Variants in KCNH1 observed in about 807,000 individuals in gnomAD.
KCNH1 encodes voltage-gated delayed rectifier potassium channel KCNH1.
In KCNH1, 27 loss-of-function variants were observed where a neutral mutation model predicts 69.2. The ratio of observed to expected loss-of-function variants is 0.39; its 90% CI spans 0.29 to 0.54. The LOEUF (loss-of-function observed/expected upper bound fraction) is 0.54. Among genes scored for constraint, KCNH1 ranks in the 20% least tolerant of loss-of-function variants. The pLI is 0.68. For missense variants in KCNH1, 798 were observed against 1,261.6 expected, an observed-to-expected ratio of 0.63 and a Z score of 5.57; for synonymous variants, 456 against 487.7, an observed-to-expected ratio of 0.93 and a Z score of 0.86.
At chr1:210,787,934 G>A (rs1684134345) in intron 9 of KCNH1, among the ~76,000 whole-genome samples, 1 of 152,156 alleles carries the variant, frequency 6.6e-6, no homozygotes, top group South Asian at 2.1e-4. Flanking sequence ...CTGTCTGAAT[G>A]GGGACTCAGC....
At chr1:210,937,106 C>T (rs1322289812) in intron 6 of KCNH1, among the ~76,000 whole-genome samples, 1 of 152,152 alleles carries the variant, frequency 6.6e-6, no homozygotes, top group Non-Finnish European at 1.5e-5. Flanking sequence ...GCCAAACTTC[C>T]TAATATTCCT....
intron 7 of KCNH1, among the ~76,000 whole-genome samples, chr1:210,880,463 AG>A: frequency 6.6e-6 from 1 of 152,328 alleles, no homozygotes; most frequent in Non-Finnish European, 1.5e-5. Context: ...TCTTTAATAA[AG>A]GAGTAAAAGC....
At chr1:210,884,653 T>C (rs1686565156) in intron 7 of KCNH1, among the ~76,000 whole-genome samples, 1 of 152,164 alleles carries the variant, frequency 6.6e-6, no homozygotes, top group Non-Finnish European at 1.5e-5. Context: ...CCATCCTCCT[T>C]GCCTGTTCAC....
intron 5 of KCNH1, among the ~76,000 whole-genome samples, chr1:211,037,492 CTTTT>C (rs59386390): frequency 1.7e-4 from 20 of 115,340 alleles, no homozygotes; most frequent in East Asian, 2.5e-4. Flanking sequence ...TAATTCAGTG[CTTTT>C]TTTTTTTTTT....
At chr1:210,807,752 C>A (rs1343678647) in intron 7 of KCNH1, among the ~76,000 whole-genome samples, 1 of 152,142 alleles carries the variant, frequency 6.6e-6, no homozygotes, top group African/African-American at 2.4e-5. Context: ...ATAGTTCCTT[C>A]CTTTTAGTTG....
intron 5 of KCNH1, among the ~76,000 whole-genome samples, chr1:211,078,343 T>C (rs1194306670): frequency 6.6e-6 from 1 of 152,176 alleles, no homozygotes; most frequent in African/African-American, 2.4e-5. Flanking sequence ...ATCATACTTA[T>C]TCCAAAATTG....
At chr1:210,769,394 G>A (rs1465424348) in intron 10 of KCNH1, among the ~76,000 whole-genome samples, 1 of 152,144 alleles carries the variant, frequency 6.6e-6, no homozygotes, top group African/African-American at 2.4e-5. Flanking sequence ...AGTTCACTAT[G>A]GCAACCTCAG....
chr1:210,949,673 C>T (rs773797365), intron 6 of KCNH1, among the ~76,000 whole-genome samples: 7 of 152,138 alleles, frequency 4.6e-5, no homozygotes, highest in Non-Finnish European at 1.0e-4. Flanking sequence ...CAGCCAATGC[C>T]CAGGTTTCTG....
At chr1:210,701,442 G>C (rs1681775066) in intron 10 of KCNH1, among the ~76,000 whole-genome samples, 1 of 152,168 alleles carries the variant, frequency 6.6e-6, no homozygotes, top group Non-Finnish European at 1.5e-5. Flanking sequence ...AGGGAGAGTG[G>C]CTTACTAAGG....
chr1:210,797,774 G>GA lies in KCNH1; in HGVS notation c.1663-15dup, dbSNP rs562111250. 3.4e-5 allele frequency: 55 copies of GA among 1,603,610 alleles called. No individual in the cohort carries two copies. Among genetic ancestry groups the GA allele is most frequent in the East Asian group, 1.1e-4 (5 of 44,658 alleles). On this transcript the variant is annotated splice_polypyrimidine_tract_variant and intron_variant, in intron 8 of 10. Transcript: ENST00000271751. ...GATCTGCAGGACCTAGCCAGGTACAGAAAAAAACAGTGTGAGGGTCCTCAC... is the reference window on the plus strand; with the variant it reads ...GATCTGCAGGACCTAGCCAGGTACAGAAAAAAAACAGTGTGAGGGTCCTCAC...
chr1:210,709,586 GAGTC>G (rs1302244280), intron 10 of KCNH1, among the ~76,000 whole-genome samples: 2 of 152,170 alleles, frequency 1.3e-5, no homozygotes, highest in Admixed American at 1.3e-4. Context: ...GCTAAGTTAA[GAGTC>G]AGACCCATAA....
chr1:210,958,592 G>A (rs1237814509), intron 6 of KCNH1, among the ~76,000 whole-genome samples: 2 of 152,048 alleles, frequency 1.3e-5, no homozygotes, highest in Non-Finnish European at 2.9e-5. Context: ...AAATTTCTTG[G>A]AGGCTTTGTT....
At chr1:211,018,421 C>T (rs1328455219) in intron 6 of KCNH1, among the ~76,000 whole-genome samples, 1 of 152,220 alleles carries the variant, frequency 6.6e-6, no homozygotes, top group Non-Finnish European at 1.5e-5. Flanking sequence ...AAAGAAAAGT[C>T]TGCATAACTA....
intron 6 of KCNH1, among the ~76,000 whole-genome samples, chr1:210,969,241 T>C (rs1000703387): frequency 2.2e-4 from 34 of 152,060 alleles, no homozygotes; most frequent in African/African-American, 8.2e-4. Flanking sequence ...TTCTACACCA[T>C]GCTTATGTGT....
intron 10 of KCNH1, among the ~76,000 whole-genome samples, chr1:210,755,168 G>C (rs996594905): frequency 6.6e-6 from 1 of 152,110 alleles, no homozygotes; most frequent in African/African-American, 2.4e-5. Flanking sequence ...GTCGGGGTGG[G>C]GGTGGGCTGC....
intron 10 of KCNH1, among the ~76,000 whole-genome samples, chr1:210,770,647 T>C (rs1479714902): frequency 1.3e-5 from 2 of 152,246 alleles, no homozygotes; most frequent in Non-Finnish European, 2.9e-5. Flanking sequence ...TGCCTGTCAC[T>C]ACGAGGGGGA....
At chr1:211,107,503 G>T in intron 1 of KCNH1, 126 bp from the exon 2 acceptor site, 1 of 932,930 alleles carries the variant, frequency 1.1e-6, no homozygotes, top group Admixed American at 2.6e-5. Context: ...ATAGACTCTT[G>T]AACAGAAATG....
At chr1:210,838,974 G>A (rs539945145) in intron 7 of KCNH1, among the ~76,000 whole-genome samples, 173 of 152,310 alleles carry the variant, frequency 1.1e-3, no homozygotes, top group African/African-American at 4.0e-3. Flanking sequence ...GTGTAAATTA[G>A]TTCAACCATT....
At chr1:210,918,450 A>G (rs569841741) in intron 7 of KCNH1, among the ~76,000 whole-genome samples, 3 of 152,320 alleles carry the variant, frequency 2.0e-5, no homozygotes, top group Admixed American at 2.0e-4. Context: ...CAATGAGTCC[A>G]ATCCACTCAA....
Sources: gnomAD v4.1 joint callset for allele counts (sites outside exome capture counted in the v4.1 genomes callset) on GRCh38, gnomAD v4.1.1 for gene constraint, MANE v1.5 for transcripts, NCBI Gene and HGNC (gene_info 2026-07-23, HGNC 2026-07-21) for gene names.